MRAP: variants seen among roughly 807,000 people sequenced by gnomAD.
MRAP encodes the protein melanocortin-2 receptor accessory protein.
A neutral mutation model predicts 8.7 loss-of-function variants in MRAP; 8 were observed. That is an observed-to-expected ratio of 0.92 (90% confidence interval 0.54 to 1.66). The LOEUF (loss-of-function observed/expected upper bound fraction) is 1.66, where lower values mean the gene tolerates loss of function less well. MRAP is among the 40% of genes most tolerant of loss of function. MRAP has a pLI of 0.00. For synonymous variants in MRAP, 95 were observed against 95.5 expected (o/e 1.00, Z 0.03); for missense variants, 237 against 217.1 (o/e 1.09, Z -0.58).
intron 1 of MRAP, among the ~76,000 whole-genome samples, chr21:32,300,761 T>G (rs1229589070): frequency 6.6e-6 from 1 of 150,746 alleles, no homozygotes; most frequent in Non-Finnish European, 1.5e-5. Context: ...GCGTCCTATG[T>G]CAGGGGCGTC....
intron 2 of MRAP, chr21:32,311,122 T>C (rs536794855): frequency 1.3e-5 from 2 of 153,424 alleles, no homozygotes; most frequent in South Asian, 2.1e-4. Context: ...ACATCTTACA[T>C]GACACAGGCA....
intron 1 of MRAP, among the ~76,000 whole-genome samples, chr21:32,301,092 A>G (rs1373499281): frequency 6.7e-6 from 1 of 148,990 alleles, no homozygotes; most frequent in Admixed American, 6.6e-5. Context: ...GATATATCGT[A>G]TATGATATCA....
intron 1 of MRAP, among the ~76,000 whole-genome samples, chr21:32,300,787 G>GGGCGTCATTCGTCCT (rs1569026655): frequency 9.9e-5 from 14 of 141,478 alleles, no homozygotes; most frequent in African/African-American, 3.7e-4. Context: ...TCCTATGTCG[G>GGGCGTCATTCGTCCT]ATGTGTCATG....
Position 32,312,187 on chromosome 21 carries a change from C to T in MRAP, c.*191C>T. On this transcript the variant is annotated 3_prime_UTR_variant, in exon 3 of 3. Transcript: ENST00000303645. ...GGCCCCTCGAGTGCAGAGGTCATCC[C>T]AGGTGTTGCTGAGTTTATTGAGCAC... The T allele has an allele frequency of 6.7e-7, 1 of 1,498,022 alleles. No homozygotes were observed. Among genetic ancestry groups the T allele is most frequent in the Non-Finnish European group, 8.9e-7 (1 of 1,126,628 alleles). The allele number at this position is 1,498,022 out of a possible 1,614,324, so 92.8% of individuals were successfully genotyped here.
chr21:32,305,602 C>G (rs919198616), intron 1 of MRAP, among the ~76,000 whole-genome samples: 2 of 152,110 alleles, frequency 1.3e-5, no homozygotes, highest in African/African-American at 4.8e-5. Flanking sequence ...GCTGGTTTAG[C>G]CCCCTCTGAA....
upstream of MRAP, among the ~76,000 whole-genome samples, chr21:32,295,393 T>G (rs575736432): frequency 6.6e-6 from 1 of 152,196 alleles, no homozygotes; most frequent in Non-Finnish European, 1.5e-5. Context: ...ATGCCATGCT[T>G]GAGCCCACTC....
chr21:32,311,827 C>G lies in MRAP; in HGVS notation c.350C>G (p.Thr117Ser), dbSNP rs777253425. Residue 117 changes from threonine (T) to serine (S), a missense_variant, in exon 3 of 3, where the codon ACT (threonine) becomes AGT (serine). Thr to Ser is a moderately conservative substitution (Grantham distance 58). Transcript: ENST00000303645. ...QASSVEPGSR[T>S]GPDQPLRQES... ...AGCTCAGTGGAGCCAGGGAGCAGAA[C>G]TGGCCCTGACCAGCCGCTACGACAG... 93 of 1,613,794 alleles carry G rather than the reference C, an allele frequency of 5.8e-5. No individual in the cohort carries two copies. Among genetic ancestry groups the G allele is most frequent in the Non-Finnish European group, 7.5e-5 (89 of 1,180,050 alleles).
Position 32,300,677 on chromosome 21 carries a change from G to GTCACGCGTCCTATGTCGGA in MRAP, c.106+1601_106+1602insCACGCGTCCTATGTCGGAT, listed in dbSNP as rs139653957. On this transcript the variant is annotated intron_variant, in intron 1 of 2. Coordinates refer to ENST00000303645, the MANE Select transcript of MRAP (RefSeq NM_001379228.1). The stretch of plus-strand genomic sequence containing the variant: ...GGGCGTCACACGTCCTATGTCGGAT[G>GTCACGCGTCCTATGTCGGA]TGTCACGCGTCCTATGTCAGGGGCG... 4.0e-4 allele frequency among the ~76,000 whole-genome samples: 49 copies of GTCACGCGTCCTATGTCGGA among 123,584 alleles called. 1 individual carries two copies. Among genetic ancestry groups the GTCACGCGTCCTATGTCGGA allele is most frequent in the African/African-American group, 1.1e-3 (37 of 34,156 alleles). The allele number at this position is 123,584 out of a possible 152,430, so 81.1% of individuals were successfully genotyped here.
chr21:32,297,030 T>C (rs1024717026), upstream of MRAP, among the ~76,000 whole-genome samples: 72 of 152,262 alleles, frequency 4.7e-4, 1 homozygote, highest in Non-Finnish European at 1.0e-4. Context: ...TATAATCTTA[T>C]GTGACCACTG....
At chr21:32,305,249 T>G (rs540637159) in intron 1 of MRAP, among the ~76,000 whole-genome samples, 1 of 152,260 alleles carries the variant, frequency 6.6e-6, no homozygotes, top group East Asian at 1.9e-4. Context: ...GTTGGGATTA[T>G]AGGCATGGGC....
chr21:32,309,834 T>G (rs923615092), intron 2 of MRAP, among the ~76,000 whole-genome samples: 2 of 151,494 alleles, frequency 1.3e-5, no homozygotes, highest in African/African-American at 2.4e-5. Flanking sequence ...TCCCAGCTAC[T>G]CGGGAGGCTG....
At chr21:32,301,068 T>G (rs2032287430) in intron 1 of MRAP, among the ~76,000 whole-genome samples, 1 of 151,732 alleles carries the variant, frequency 6.6e-6, no homozygotes, top group Admixed American at 6.6e-5. Flanking sequence ...ATATCATATA[T>G]CCATATATAT....
At chr21:32,314,528 T>C (rs981721865), downstream of MRAP, 2 of 1,601,014 alleles carry the variant, frequency 1.2e-6, no homozygotes, top group African/African-American at 2.7e-5. Flanking sequence ...ATAAAAAAAA[T>C]CTGATACCTT....
chr21:32,313,247 G>A (rs1368421609), downstream of MRAP: 2 of 152,248 alleles, frequency 1.3e-5, no homozygotes, highest in Non-Finnish European at 2.9e-5. Context: ...AGAGGCATGG[G>A]GTTCAGGGAT....
intron 2 of MRAP, chr21:32,308,798 C>A (rs556588614): frequency 3.7e-4 from 56 of 152,928 alleles, no homozygotes; most frequent in African/African-American, 1.2e-3. Context: ...GGGGGCTGCA[C>A]TGATTGGTCC....
chr21:32,312,153 G>A lies in MRAP; in HGVS notation c.*157G>A, dbSNP rs2032597378. ...AGGAGCATCCTATGCCTTTGACAAA[G>A]ATTGCAGTGGCCCCTCGAGTGCAGA... On this transcript the variant is annotated 3_prime_UTR_variant, in exon 3 of 3. Coordinates refer to ENST00000303645, the MANE Select transcript of MRAP (RefSeq NM_001379228.1). The A allele has an allele frequency of 6.5e-7, 1 of 1,528,498 alleles. No homozygotes were observed. Among genetic ancestry groups the A allele is most frequent in the African/African-American group, 1.4e-5 (1 of 73,096 alleles). 94.7% of individuals were successfully genotyped at this position (1,528,498 alleles called of 1,614,324 possible).
intron 1 of MRAP, among the ~76,000 whole-genome samples, chr21:32,299,764 C>T (rs1157444748): frequency 6.6e-6 from 1 of 152,158 alleles, no homozygotes; most frequent in Admixed American, 6.5e-5. Context: ...TCTCTCCATC[C>T]CTAAAATGCA....
upstream of MRAP, among the ~76,000 whole-genome samples, chr21:32,294,618 C>T (rs1254917344): frequency 2.0e-5 from 3 of 152,064 alleles, no homozygotes; most frequent in Non-Finnish European, 2.9e-5. Flanking sequence ...TAATTTTTAA[C>T]TTTCTTTCCA....
chr21:32,308,159 G>C (rs1293327857), intron 2 of MRAP, among the ~76,000 whole-genome samples: 3 of 152,152 alleles, frequency 2.0e-5, no homozygotes, highest in Non-Finnish European at 4.4e-5. Context: ...GATCACCTGA[G>C]ATCAGGCCTT....
Sources: allele counts gnomAD v4.1 joint callset (sites outside exome capture counted in the v4.1 genomes callset), GRCh38; gene constraint gnomAD v4.1.1; transcripts MANE v1.5; gene names NCBI Gene and HGNC (gene_info 2026-07-23, HGNC 2026-07-21).